Variants in FRMD6 observed in about 807,000 individuals in gnomAD.
FRMD6 encodes FERM domain-containing protein 6.
FRMD6 carries 37 observed loss-of-function variants against 73.2 expected under a neutral mutation model. That is an observed-to-expected ratio of 0.51 (90% CI 0.39 to 0.66). The LOEUF (loss-of-function observed/expected upper bound fraction) is 0.66. Among genes scored for constraint, FRMD6 ranks in the 30% least tolerant of loss-of-function variants. The probability of loss-of-function intolerance (pLI) is 0.00; values close to 1 mark genes in which losing one functional copy is unlikely to be tolerated. For missense variants in FRMD6, 714 were observed against 780.5 expected (o/e 0.91, Z 1.02); for synonymous variants, 273 against 282.2 (o/e 0.97, Z 0.33).
At chr14:51,411,199 T>C in the FRMD6 span, among the ~76,000 whole-genome samples, 1 of 152,202 alleles carries the variant, frequency 6.6e-6, no homozygotes, top group South Asian at 2.1e-4. Flanking sequence ...AAGCAAAGGC[T>C]GAGCTAGCTA....
At chr14:51,559,782 A>T (rs907392241) in intron 1 of FRMD6, among the ~76,000 whole-genome samples, 1 of 152,182 alleles carries the variant, frequency 6.6e-6, no homozygotes, top group African/African-American at 2.4e-5. Flanking sequence ...AATTTCTGCA[A>T]TATGCCTATC....
chr14:51,439,346 T>C, the FRMD6 span, among the ~76,000 whole-genome samples: 1 of 152,320 alleles, frequency 6.6e-6, no homozygotes, highest in East Asian at 1.9e-4. Flanking sequence ...GATTGGCTCA[T>C]TTTTCCTCAC....
At chr14:51,576,230 C>T (rs1888396684) in intron 2 of FRMD6, 1 of 152,258 alleles carries the variant, frequency 6.6e-6, no homozygotes. Flanking sequence ...CATTCTCACC[C>T]TGTTTCCTGC....
At chr14:51,711,100 C>G (rs1896920627) in intron 7 of FRMD6, among the ~76,000 whole-genome samples, 1 of 152,072 alleles carries the variant, frequency 6.6e-6, no homozygotes, top group African/African-American at 2.4e-5. Context: ...TCTTATGCAT[C>G]TCAGAATATA....
rs767846081 is a variant in FRMD6, at chr14:51,614,221, G to GT, written c.-147+43818dup. Reference sequence around the variant, plus strand: ...GAACTTTGGGTTGGTTGGTTTTTTTGTTTTTTTGTTTTTTTTGCCTGATTC... The same window carrying GT: ...GAACTTTGGGTTGGTTGGTTTTTTTGTTTTTTTTGTTTTTTTTGCCTGATTC... On this transcript the variant is annotated intron_variant, in intron 2 of 14. Transcript: ENST00000356218. Among the ~76,000 whole-genome samples, 713 of 151,952 alleles carry GT rather than the reference G, an allele frequency of 4.7e-3. 7 individuals are homozygous for GT. Among genetic ancestry groups the GT allele is most frequent in the Non-Finnish European group, 3.8e-3 (256 of 67,916 alleles).
At chr14:51,539,208 G>A (rs867386826) in intron 1 of FRMD6, among the ~76,000 whole-genome samples, 2 of 152,086 alleles carry the variant, frequency 1.3e-5, no homozygotes. Context: ...TTTTCTGTCT[G>A]GATGTCACCC....
At chr14:51,713,079 A>G (rs1031736880) in intron 9 of FRMD6, among the ~76,000 whole-genome samples, 2 of 152,194 alleles carry the variant, frequency 1.3e-5, no homozygotes, top group Non-Finnish European at 2.9e-5. Context: ...ATTTTTCCCA[A>G]GTATTTCTCT....
chr14:51,568,422 A>G (rs965686940), intron 1 of FRMD6, among the ~76,000 whole-genome samples: 1 of 152,250 alleles, frequency 6.6e-6, no homozygotes, highest in South Asian at 2.1e-4. Context: ...GGAGAAATGG[A>G]GCAAGCATTG....
chr14:51,519,115 GT>G (rs1285024705), intron 1 of FRMD6, among the ~76,000 whole-genome samples: 1 of 152,186 alleles, frequency 6.6e-6, no homozygotes, highest in African/African-American at 2.4e-5. Flanking sequence ...TTCTAACACA[GT>G]GCTTGGGATG....
At chr14:51,505,762 TC>T (rs1412305994) in intron 1 of FRMD6, among the ~76,000 whole-genome samples, 1 of 152,144 alleles carries the variant, frequency 6.6e-6, no homozygotes, top group African/African-American at 2.4e-5. Context: ...TTTTTGAATG[TC>T]CCCCCTCGAC....
chr14:51,718,669 A>G (rs1235122081), intron 10 of FRMD6, among the ~76,000 whole-genome samples: 1 of 152,132 alleles, frequency 6.6e-6, no homozygotes, highest in Non-Finnish European at 1.5e-5. Flanking sequence ...TTTTGTTGTG[A>G]TGATATGTGC....
chr14:51,629,959 T>C (rs1891274224), intron 2 of FRMD6, among the ~76,000 whole-genome samples: 1 of 152,218 alleles, frequency 6.6e-6, no homozygotes, highest in Non-Finnish European at 1.5e-5. Flanking sequence ...CTTTCTTTTT[T>C]TCAAATGAGA....
At chr14:51,635,638 A>G (rs1442609388) in intron 2 of FRMD6, among the ~76,000 whole-genome samples, 3 of 152,234 alleles carry the variant, frequency 2.0e-5, no homozygotes, top group Non-Finnish European at 4.4e-5. Context: ...CATTCTCTGC[A>G]GTCAGACTGG....
chr14:51,444,827 G>C, the FRMD6 span, among the ~76,000 whole-genome samples: 12 of 152,224 alleles, frequency 7.9e-5, no homozygotes, highest in East Asian at 2.3e-3. Context: ...CCTTGTTGTC[G>C]ATGTTGGTGT....
intron 2 of FRMD6, among the ~76,000 whole-genome samples, chr14:51,619,912 A>G (rs2010520): frequency 0.77 from 117,655 of 152,144 alleles, 45,867 homozygotes; most frequent in Middle Eastern, 0.8. Flanking sequence ...TGACAGCTGT[A>G]TTCAAGGTGT....
intron 1 of FRMD6, among the ~76,000 whole-genome samples, chr14:51,667,167 A>T (rs1566546450): frequency 6.6e-6 from 1 of 152,168 alleles, no homozygotes; most frequent in Non-Finnish European, 1.5e-5. Flanking sequence ...TCAGATGTGA[A>T]TAGCTTACAA....
At chr14:51,455,002 C>G in the FRMD6 span, among the ~76,000 whole-genome samples, 1 of 152,040 alleles carries the variant, frequency 6.6e-6, no homozygotes. Flanking sequence ...TTAAATAAAC[C>G]TGGTTCAGAA....
intron 1 of FRMD6, among the ~76,000 whole-genome samples, chr14:51,550,069 G>A (rs1028808612): frequency 1.5e-4 from 23 of 152,246 alleles, no homozygotes; most frequent in African/African-American, 5.5e-4. Context: ...TGCAAATAAT[G>A]GGGATCCCTT....
chr14:51,507,904 C>G (rs1185860683), intron 1 of FRMD6, among the ~76,000 whole-genome samples: 1 of 152,136 alleles, frequency 6.6e-6, no homozygotes, highest in African/African-American at 2.4e-5. Flanking sequence ...GTCAGGAGAC[C>G]CTATTTTCTT....
Sources: allele counts gnomAD v4.1 joint callset (sites outside exome capture counted in the v4.1 genomes callset), GRCh38; gene constraint gnomAD v4.1.1; transcripts MANE v1.5; gene names NCBI Gene and HGNC (gene_info 2026-07-23, HGNC 2026-07-21).